Variants in SLC9A9 observed in about 807,000 individuals in gnomAD.
SLC9A9 encodes sodium/hydrogen exchanger 9.
In SLC9A9, 62 loss-of-function variants were observed where a neutral mutation model predicts 77.8. The observed-to-expected ratio is 0.80, with a 90% CI of 0.65 to 0.98. SLC9A9 has a LOEUF of 0.98. SLC9A9 is among the 50% of genes least tolerant of loss of function. SLC9A9 has a pLI of 0.00. For synonymous variants in SLC9A9, 320 were observed against 283.5 expected (o/e 1.13, Z -1.29); for missense variants, 775 against 774.9 (o/e 1.00, Z 0.00).
chr3:143,373,320 G>A (rs2033099401), intron 13 of SLC9A9, among the ~76,000 whole-genome samples: 1 of 152,082 alleles, frequency 6.6e-6, no homozygotes, highest in Non-Finnish European at 1.5e-5. Context: ...TTGAGTGAGA[G>A]GCCATTATTC....
intron 5 of SLC9A9, among the ~76,000 whole-genome samples, chr3:143,657,009 T>A (rs770372341): frequency 6.6e-6 from 1 of 152,184 alleles, no homozygotes; most frequent in African/African-American, 2.4e-5. Context: ...TACGGTGAGA[T>A]CTGAAGGAGA....
intron 4 of SLC9A9, among the ~76,000 whole-genome samples, chr3:143,703,824 GA>G (rs1933874206): frequency 6.6e-6 from 1 of 151,508 alleles, no homozygotes; most frequent in Non-Finnish European, 1.5e-5. Context: ...GTCAGAATAA[GA>G]AAAAAAGAGA....
At chr3:143,769,938 T>C (rs1359372319) in intron 4 of SLC9A9, among the ~76,000 whole-genome samples, 1 of 152,200 alleles carries the variant, frequency 6.6e-6, no homozygotes, top group Non-Finnish European at 1.5e-5. Flanking sequence ...TCAAGAGACG[T>C]GTATCTGAAT....
chr3:143,846,735 T>G (rs1037080493), intron 1 of SLC9A9, among the ~76,000 whole-genome samples: 36 of 149,208 alleles, frequency 2.4e-4, no homozygotes, highest in African/African-American at 6.9e-4. Context: ...AAAAAGGTTT[T>G]TTTTTTTTTT....
At chr3:143,288,784 T>C (rs1938451561) in intron 14 of SLC9A9, among the ~76,000 whole-genome samples, 1 of 152,160 alleles carries the variant, frequency 6.6e-6, no homozygotes, top group Non-Finnish European at 1.5e-5. Flanking sequence ...ATAATATTAA[T>C]AAAACTTGAG....
chr3:143,755,156 A>G (rs908086477), intron 4 of SLC9A9, among the ~76,000 whole-genome samples: 9 of 152,294 alleles, frequency 5.9e-5, no homozygotes, highest in Admixed American at 5.9e-4. Flanking sequence ...TTTGCACAAT[A>G]GGTGATTTAG....
intron 6 of SLC9A9, among the ~76,000 whole-genome samples, chr3:143,648,660 TTCTCCA>T (rs2038744965): frequency 6.6e-6 from 1 of 152,224 alleles, no homozygotes; most frequent in Non-Finnish European, 1.5e-5. Flanking sequence ...AATTCTACCT[TTCTCCA>T]GTCTCAGCTC....
intron 2 of SLC9A9, 104 bp downstream of exon 2, chr3:143,831,915 A>G: frequency 4.9e-6 from 5 of 1,013,716 alleles, no homozygotes; most frequent in Non-Finnish European, 7.4e-6. Flanking sequence ...TAAAATAGGC[A>G]TATATGTGTG....
intron 8 of SLC9A9, among the ~76,000 whole-genome samples, chr3:143,562,811 G>A (rs2037108876): frequency 6.6e-6 from 1 of 151,684 alleles, no homozygotes; most frequent in African/African-American, 2.4e-5. Flanking sequence ...GGACATATGA[G>A]GCCCTGCAGC....
intron 9 of SLC9A9, chr3:143,504,266 T>C (rs2035973727): frequency 4.2e-6 from 1 of 235,564 alleles, no homozygotes; most frequent in Admixed American, 4.9e-5. Flanking sequence ...GGCCTTCACC[T>C]TCACCATGGT....
At chr3:143,564,552 G>T (rs2037137472) in intron 8 of SLC9A9, among the ~76,000 whole-genome samples, 2 of 152,056 alleles carry the variant, frequency 1.3e-5, no homozygotes, top group African/African-American at 4.8e-5. Context: ...TTTCTGACAG[G>T]TTTCCTACAA....
At chr3:143,514,212 CT>C (rs34218404) in intron 9 of SLC9A9, among the ~76,000 whole-genome samples, 297 of 146,378 alleles carry the variant, frequency 2.0e-3, no homozygotes, top group African/African-American at 3.7e-3. Context: ...TGAAAGGAAC[CT>C]TTTTTTTTTT....
At chr3:143,315,838 C>T (rs551641939) in intron 14 of SLC9A9, among the ~76,000 whole-genome samples, 26 of 152,268 alleles carry the variant, frequency 1.7e-4, no homozygotes, top group Middle Eastern at 3.4e-3. Flanking sequence ...AATGGTGGCA[C>T]GAACACAATC....
intron 15 of SLC9A9, among the ~76,000 whole-genome samples, chr3:143,267,781 T>A (rs1156594028): frequency 6.6e-6 from 1 of 152,258 alleles, no homozygotes; most frequent in East Asian, 1.9e-4. Flanking sequence ...TGGCTAATAA[T>A]AATTTTTTCC....
At position 143,404,581 on chromosome 3, in the gene SLC9A9, C is replaced by T. The variant is rs141433630; in HGVS notation, c.1470-22467G>A. Among the ~76,000 whole-genome samples, 134 of 152,232 alleles carry T rather than the reference C, an allele frequency of 8.8e-4. No homozygotes were observed. In the East Asian group the frequency reaches 0.018, roughly 21 times the overall value. On this transcript the variant is annotated intron_variant, in intron 12 of 15. Coordinates refer to ENST00000316549, the MANE Select transcript of SLC9A9 (RefSeq NM_173653.4). ...AAAAGCAGTTTGCATTCCCCTAGCC[C>T]GCCCCACACATACTCTTTTTTCCCC...
At position 143,549,397 on chromosome 3, in the gene SLC9A9, GA is replaced by G. The variant is rs1184267702; in HGVS notation, c.1089+2964del. Among the ~76,000 whole-genome samples, 3 of 152,014 alleles carry G rather than the reference GA, an allele frequency of 2.0e-5. No homozygotes were observed. In the East Asian group the frequency reaches 5.8e-4, roughly 29 times the overall value. On this transcript the variant is annotated intron_variant, in intron 9 of 15. Transcript: ENST00000316549. ...TAGGCTGTGTATGTACATATTATAAGAAAAAAATAAGCAGAAAATGACAGAT... is the reference window on the plus strand; with the variant it reads ...TAGGCTGTGTATGTACATATTATAAGAAAAAATAAGCAGAAAATGACAGAT...
intron 6 of SLC9A9, among the ~76,000 whole-genome samples, chr3:143,620,962 G>T (rs1350822837): frequency 6.6e-6 from 1 of 152,218 alleles, no homozygotes; most frequent in Non-Finnish European, 1.5e-5. Flanking sequence ...CACGCCAGGA[G>T]ATTATATCCC....
At chr3:143,355,330 A>G (rs981270934) in intron 14 of SLC9A9, among the ~76,000 whole-genome samples, 1 of 152,222 alleles carries the variant, frequency 6.6e-6, no homozygotes, top group African/African-American at 2.4e-5. Flanking sequence ...TCTTTAAGAC[A>G]TGTGGCTATC....
chr3:143,503,962 G>A lies in SLC9A9; in HGVS notation c.1090-8514C>T, dbSNP rs975720070. The A allele has an allele frequency of 1.6e-4, 63 of 389,418 alleles. 1 individual carries two copies. Among genetic ancestry groups the A allele is most frequent in the African/African-American group, 4.8e-4 (23 of 47,686 alleles). 24.1% of individuals were successfully genotyped at this position (389,418 alleles called of 1,614,324 possible). ...TAAGTGAGCCTCAGCCTTCTCCATG[G>A]TAGTTAATACACTGGTGAACTCCAC... On this transcript the variant is annotated intron_variant, in intron 9 of 15. Transcript: ENST00000316549.
Sources: gnomAD v4.1 joint callset for allele counts (sites outside exome capture counted in the v4.1 genomes callset) on GRCh38, gnomAD v4.1.1 for gene constraint, MANE v1.5 for transcripts, NCBI Gene and HGNC (gene_info 2026-07-23, HGNC 2026-07-21) for gene names.